Variants in TET1 observed in about 807,000 individuals in gnomAD.
TET1 encodes methylcytosine dioxygenase TET1.
A neutral mutation model predicts 148.7 loss-of-function variants in TET1; 13 were observed. The observed-to-expected ratio is 0.09, with a 90% CI of 0.06 to 0.14. The LOEUF (loss-of-function observed/expected upper bound fraction) is 0.14. Among genes scored for constraint, TET1 ranks in the 10% least tolerant of loss-of-function variants. TET1 has a pLI of 1.00. For synonymous variants in TET1, 907 were observed against 937.2 expected (o/e 0.97, Z 0.59); for missense variants, 2,182 against 2,553.8 (o/e 0.85, Z 3.14).
chr10:68,585,973 A>G (rs1332679319), intron 2 of TET1, among the ~76,000 whole-genome samples: 1 of 147,688 alleles, frequency 6.8e-6, no homozygotes, highest in African/African-American at 2.5e-5. Flanking sequence ...GCGCCACTGT[A>G]CTCCAGTCTG....
Position 68,691,921 on chromosome 10 carries a change from A to G in TET1, c.*107A>G. On this transcript the variant is annotated 3_prime_UTR_variant, in exon 12 of 12. Transcript: ENST00000373644. This position sits in a 1 kb window ranked among gnomAD's most constrained non-coding sequence, Gnocchi z 4.4. ...TTACTATCTTCATCTCACCCATTTC[A>G]AGTCTGAGGTAAAAAAATAATAATG... 7.6e-7 allele frequency: 1 copy of G among 1,307,194 alleles called. No homozygotes were observed. Among genetic ancestry groups the G allele is most frequent in the East Asian group, 2.3e-5 (1 of 43,014 alleles). The allele number at this position is 1,307,194 out of a possible 1,614,324, so 81.0% of individuals were successfully genotyped here.
chr10:68,662,318 T>C (rs7896535), intron 6 of TET1, among the ~76,000 whole-genome samples: 27,674 of 152,048 alleles, frequency 0.18, 3,140 homozygotes, highest in African/African-American at 0.31. Flanking sequence ...CTGTTGTTAA[T>C]AGTCAAAAAA....
chr10:68,582,098 AT>A (rs111735904), intron 2 of TET1, among the ~76,000 whole-genome samples: 10,691 of 102,352 alleles, frequency 0.1, 832 homozygotes, highest in African/African-American at 0.25. Flanking sequence ...AGATGACACT[AT>A]TTTTTTTTTT....
intron 2 of TET1, among the ~76,000 whole-genome samples, chr10:68,577,230 A>G (rs2053742473): frequency 6.6e-6 from 1 of 151,674 alleles, no homozygotes. Context: ...TATTTTTAAT[A>G]GAGACAGGGT....
At chr10:68,596,083 G>A (rs1407284532) in intron 2 of TET1, among the ~76,000 whole-genome samples, 25 of 139,256 alleles carry the variant, frequency 1.8e-4, no homozygotes, top group Non-Finnish European at 3.7e-4. Flanking sequence ...CTGTTGCCCA[G>A]GCTGCAGTGC....
At chr10:68,580,935 A>G (rs1189267500) in intron 2 of TET1, among the ~76,000 whole-genome samples, 1 of 151,690 alleles carries the variant, frequency 6.6e-6, no homozygotes, top group African/African-American at 2.4e-5. Flanking sequence ...TCTCCACCGC[A>G]CTCTAGCCTT....
chr10:68,657,009 T>A (rs1377623548), intron 6 of TET1, among the ~76,000 whole-genome samples: 3 of 137,860 alleles, frequency 2.2e-5, no homozygotes, highest in Non-Finnish European at 4.6e-5. Flanking sequence ...CTGTGCAACA[T>A]CCAGAGTCTA....
Position 68,646,524 on chromosome 10 carries a change from A to G in TET1, c.3795A>G (p.Leu1265=). 6.2e-7 allele frequency: 1 copy of G among 1,614,208 alleles called. No individual in the cohort carries two copies. The highest frequency in any genetic ancestry group is 1.1e-5 in the South Asian group (1 of 91,082). The change falls in exon 4 of 12, where the codon TTA becomes TTG. Residue 1265 remains leucine, a synonymous_variant. Transcript: ENST00000373644. ...VKVEPLDSLS[L]FHLKTESNGK... ...TTGAACCATTGGATTCACTCAGCTTATTTCATCTTAAAACGGAATCCAACG... is the reference window on the plus strand; with the variant it reads ...TTGAACCATTGGATTCACTCAGCTTGTTTCATCTTAAAACGGAATCCAACG...
At chr10:68,626,726 AT>A (rs1347277433) in intron 3 of TET1, among the ~76,000 whole-genome samples, 1 of 147,426 alleles carries the variant, frequency 6.8e-6, no homozygotes, top group African/African-American at 2.5e-5. Flanking sequence ...ATTTTTTTAT[AT>A]TTTTGGTAGA....
chr10:68,690,895 A>G lies in TET1; in HGVS notation c.5492A>G (p.Tyr1831Cys). ...AAAAGTTCAGACAACACTAAAACTT[A>G]TTCGCTGATGCCATCCGCTCCTCAC... ...ILKSSDNTKT[Y>C]SLMPSAPHPV... Residue 1831 changes from tyrosine (Y) to cysteine (C), a missense_variant, in exon 12 of 12, where the codon TAT (tyrosine) becomes TGT (cysteine). Physicochemically the swap from Tyr to Cys is radical, Grantham distance 194 (BLOSUM62 -2). This residue lies in a region of TET1 where 380 missense variants were observed against 387.9 expected (regional missense o/e 0.98). Transcript: ENST00000373644. 2 of 1,614,274 alleles carry G rather than the reference A, an allele frequency of 1.2e-6. No homozygotes were observed. The highest frequency in any genetic ancestry group is 3.3e-5 in the Admixed American group (2 of 60,032).
chr10:68,615,933 C>G (rs1296334373), intron 3 of TET1, among the ~76,000 whole-genome samples: 1 of 152,214 alleles, frequency 6.6e-6, no homozygotes, highest in Non-Finnish European at 1.5e-5. Context: ...AGGCATAAGC[C>G]ACCACGTCCG....
At chr10:68,688,107 T>C (rs1329374504) in intron 11 of TET1, among the ~76,000 whole-genome samples, 1 of 152,082 alleles carries the variant, frequency 6.6e-6, no homozygotes, top group Non-Finnish European at 1.5e-5. Flanking sequence ...TCGCCTAATA[T>C]ATATTTTGAG....
chr10:68,610,350 C>T (rs994001908), intron 3 of TET1, among the ~76,000 whole-genome samples: 5 of 150,996 alleles, frequency 3.3e-5, no homozygotes, highest in East Asian at 2.0e-4. Context: ...TTTGTGAGGC[C>T]GAGGCGGTGG....
chr10:68,645,808 A>T lies in TET1; in HGVS notation c.3079A>T (p.Thr1027Ser). 6.2e-7 allele frequency: 1 copy of T among 1,614,078 alleles called. No individual in the cohort carries two copies. Among genetic ancestry groups the T allele is most frequent in the Non-Finnish European group, 8.5e-7 (1 of 1,179,958 alleles). The change falls in exon 4 of 12, where the codon ACT (threonine) becomes TCT (serine). Residue 1027 changes from threonine (T) to serine (S), a missense_variant. Coordinates refer to ENST00000373644, the MANE Select transcript of TET1 (RefSeq NM_030625.3). ...TAAAAGTATTGCTCAAGGGATAATTACTCTTGACAATTGTTCCAATGATTT... is the reference window on the plus strand; with the variant it reads ...TAAAAGTATTGCTCAAGGGATAATTTCTCTTGACAATTGTTCCAATGATTT... ...TNKSIAQGII[T>S]LDNCSNDLHQ...
intron 3 of TET1, among the ~76,000 whole-genome samples, chr10:68,624,690 C>T (rs182434061): frequency 0.011 from 1,380 of 123,198 alleles, 55 homozygotes; most frequent in African/African-American, 0.041. Context: ...CTCTCTCTCT[C>T]TCTCTCTTTC....
chr10:68,580,313 A>ATTTTTTTTTTTTTTTT lies in TET1; in HGVS notation c.1914+6071_1914+6086dup, dbSNP rs1163318028. On this transcript the variant is annotated intron_variant, in intron 2 of 11. Transcript: ENST00000373644. Reference sequence around the variant, plus strand: ...AACCAATGCATTTTTATTATATTCAATTTTTTTTTTTTTTTTTTTTTTTTT... The same window carrying ATTTTTTTTTTTTTTTT: ...AACCAATGCATTTTTATTATATTCAATTTTTTTTTTTTTTTTTTTTTTTTTTTTTTTTTTTTTTTTT... Among the ~76,000 whole-genome samples, 3 of 60,400 alleles carry ATTTTTTTTTTTTTTTT rather than the reference A, an allele frequency of 5.0e-5. 1 individual carries two copies. Among genetic ancestry groups the ATTTTTTTTTTTTTTTT allele is most frequent in the Non-Finnish European group, 8.7e-5 (3 of 34,482 alleles). 39.6% of individuals were successfully genotyped at this position (60,400 alleles called of 152,430 possible).
rs551703614 is a variant in TET1 at position 68,565,371 on chromosome 10, C to T, written c.-123+4629C>T. On this transcript the variant is annotated intron_variant, in intron 1 of 11. Transcript: ENST00000373644. ...TGGCACGTGCCTGTAGTGCCAGCTA[C>T]TTGGGAAGCTGAGGTGGGAGGATCA... Among the ~76,000 whole-genome samples the T allele has an allele frequency of 1.8e-4, 27 of 150,238 alleles. No individual in the cohort carries two copies. The East Asian group carries it at 4.3e-3, about 24-fold the overall frequency.
chr10:68,620,173 A>T (rs2054350419), intron 3 of TET1, among the ~76,000 whole-genome samples: 1 of 152,204 alleles, frequency 6.6e-6, no homozygotes, highest in African/African-American at 2.4e-5. Context: ...ACAGAGCGAG[A>T]CTTTGTCTCA....
chr10:68,663,710 G>A (rs897940821), intron 6 of TET1, among the ~76,000 whole-genome samples: 1 of 152,172 alleles, frequency 6.6e-6, no homozygotes, highest in Non-Finnish European at 1.5e-5. Context: ...ATTAGGAATA[G>A]ATAGTATATT....
Sources: allele counts gnomAD v4.1 joint callset (sites outside exome capture counted in the v4.1 genomes callset), GRCh38; gene constraint gnomAD v4.1.1; regional missense constraint gnomAD v4.1.1; non-coding constraint Gnocchi (gnomAD v3.1); transcripts MANE v1.5; gene names NCBI Gene and HGNC (gene_info 2026-07-23, HGNC 2026-07-21).